MTUS1: variants seen among roughly 807,000 people sequenced by gnomAD.
MTUS1 encodes microtubule-associated tumor suppressor 1.
A neutral mutation model predicts 120.8 loss-of-function variants in MTUS1; 109 were observed. The observed-to-expected ratio is 0.90, with a 90% confidence interval of 0.77 to 1.06. The LOEUF (loss-of-function observed/expected upper bound fraction) is 1.06. Among genes scored for constraint, MTUS1 ranks in the 50% least tolerant of loss-of-function variants. The pLI is 0.00. For synonymous variants in MTUS1, 737 were observed against 550.5 expected (o/e 1.34, Z -4.74); for missense variants, 2,210 against 1,486.3 (o/e 1.49, Z -8.01).
At chr8:17,768,277 C>G (rs930209671) in intron 1 of MTUS1, among the ~76,000 whole-genome samples, 1 of 152,060 alleles carries the variant, frequency 6.6e-6, no homozygotes, top group East Asian at 1.9e-4. Flanking sequence ...TATGTGAGCT[C>G]AGGATATTAA....
intron 3 of MTUS1, among the ~76,000 whole-genome samples, chr8:17,733,109 G>C (rs2046699167): frequency 6.6e-6 from 1 of 152,286 alleles, no homozygotes; most frequent in Non-Finnish European, 1.5e-5. Context: ...CCAGCACTTT[G>C]GAAGGCCGAG....
At chr8:17,758,941 G>C (rs2048829353) in intron 1 of MTUS1, among the ~76,000 whole-genome samples, 1 of 152,192 alleles carries the variant, frequency 6.6e-6, no homozygotes, top group African/African-American at 2.4e-5. Context: ...GAGTGCAGTG[G>C]CGCGATCTCG....
At chr8:17,726,687 T>C (rs990891282) in intron 3 of MTUS1, among the ~76,000 whole-genome samples, 2 of 152,184 alleles carry the variant, frequency 1.3e-5, no homozygotes, top group African/African-American at 2.4e-5. Context: ...AGATAGCAAA[T>C]ACACACTTTA....
chr8:17,672,246 T>C (rs1812182352), intron 8 of MTUS1, among the ~76,000 whole-genome samples: 1 of 152,178 alleles, frequency 6.6e-6, no homozygotes, highest in Non-Finnish European at 1.5e-5. Flanking sequence ...GCTGCATACA[T>C]CCTAATACCT....
At chr8:17,656,870 G>C (rs1043041214) in intron 8 of MTUS1, among the ~76,000 whole-genome samples, 6 of 151,336 alleles carry the variant, frequency 4.0e-5, no homozygotes, top group Non-Finnish European at 8.9e-5. Context: ...AGGAGATCGA[G>C]ACCACGGTGA....
At chr8:17,771,778 G>A (rs562384608) in intron 1 of MTUS1, among the ~76,000 whole-genome samples, 65 of 152,334 alleles carry the variant, frequency 4.3e-4, no homozygotes, top group African/African-American at 1.5e-3. Flanking sequence ...AAAAGAGATC[G>A]ACTAACATGG....
intron 3 of MTUS1, among the ~76,000 whole-genome samples, chr8:17,740,156 C>G (rs778853008): frequency 6.6e-6 from 1 of 151,488 alleles, no homozygotes; most frequent in Non-Finnish European, 1.5e-5. Context: ...TGCAGTGATC[C>G]GAGATTGCAC....
intron 8 of MTUS1, among the ~76,000 whole-genome samples, chr8:17,663,440 T>A (rs978228105): frequency 2.0e-5 from 3 of 152,246 alleles, no homozygotes; most frequent in African/African-American, 7.2e-5. Flanking sequence ...TGGTTCATTA[T>A]GAGACGACCA....
intron 6 of MTUS1, among the ~76,000 whole-genome samples, chr8:17,690,287 T>G (rs1192004912): frequency 1.3e-5 from 2 of 152,048 alleles, no homozygotes; most frequent in African/African-American, 4.8e-5. Flanking sequence ...GAAAAAATGC[T>G]CAACATCACT....
intron 8 of MTUS1, among the ~76,000 whole-genome samples, chr8:17,674,238 G>T (rs1248953401): frequency 2.6e-5 from 4 of 152,042 alleles, no homozygotes; most frequent in Non-Finnish European, 5.9e-5. Flanking sequence ...TGGCCAACAT[G>T]GCGAAACCCC....
At chr8:17,713,349 A>T (rs1363808109) in intron 5 of MTUS1, 97 bp from the exon 6 acceptor site, 1 of 797,952 alleles carries the variant, frequency 1.3e-6, no homozygotes, top group Non-Finnish European at 2.1e-6. Context: ...AAAAACAATC[A>T]ATCGCTACAT....
chr8:17,729,685 A>G (rs952817278), intron 3 of MTUS1, among the ~76,000 whole-genome samples: 2 of 152,208 alleles, frequency 1.3e-5, no homozygotes, highest in Non-Finnish European at 2.9e-5. Flanking sequence ...CTGAACCTAC[A>G]TGTGATTGCT....
At chr8:17,767,274 G>C (rs925587530) in intron 1 of MTUS1, among the ~76,000 whole-genome samples, 1 of 150,124 alleles carries the variant, frequency 6.7e-6, no homozygotes, top group Non-Finnish European at 1.5e-5. Context: ...TTTATATTAT[G>C]TGTCATTTCA....
At chr8:17,772,288 A>C (rs1264388677) in intron 1 of MTUS1, among the ~76,000 whole-genome samples, 1 of 152,208 alleles carries the variant, frequency 6.6e-6, no homozygotes, top group Admixed American at 6.5e-5. Context: ...GAAACATTTA[A>C]AGATGTCCTA....
At chr8:17,672,081 G>A (rs1474247499) in intron 8 of MTUS1, among the ~76,000 whole-genome samples, 3 of 152,132 alleles carry the variant, frequency 2.0e-5, no homozygotes, top group African/African-American at 7.2e-5. Flanking sequence ...ACTGGATCAG[G>A]AGAATACTCT....
At position 17,755,625 on chromosome 8, in the gene MTUS1, G is replaced by C. The variant is rs1032472871; in HGVS notation, c.183C>G (p.Asp61Glu). 6.2e-7 allele frequency: 1 copy of C among 1,614,168 alleles called. No individual in the cohort carries two copies. The highest frequency in any genetic ancestry group is 8.5e-7 in the Non-Finnish European group (1 of 1,180,024). Residue 61 changes from aspartate (D) to glutamate (E), a missense_variant, in exon 2 of 15, where the codon GAC (aspartate) becomes GAG (glutamate). Physicochemically the swap from Asp to Glu is conservative, Grantham distance 45. Coordinates refer to ENST00000693296, the MANE Select transcript of MTUS1 (RefSeq NM_001363059.2). Reference protein sequence around the residue: ...PDDMVVDYETDPAVVTGENIS... With the variant: ...PDDMVVDYETEPAVVTGENIS... Reference sequence around the variant, plus strand: ...TATTTTCACCAGTAACTACAGCAGGGTCAGTTTCATAATCAACCACCATGT... The same window carrying C: ...TATTTTCACCAGTAACTACAGCAGGCTCAGTTTCATAATCAACCACCATGT...
At chr8:17,700,256 G>T (rs1024330773) in intron 6 of MTUS1, among the ~76,000 whole-genome samples, 1 of 151,874 alleles carries the variant, frequency 6.6e-6, no homozygotes, top group Non-Finnish European at 1.5e-5. Flanking sequence ...ATCACCTGAG[G>T]TCAGAAGTTC....
At chr8:17,749,627 C>T (rs568576601) in intron 2 of MTUS1, among the ~76,000 whole-genome samples, 54 of 147,628 alleles carry the variant, frequency 3.7e-4, no homozygotes, top group African/African-American at 1.3e-3. Flanking sequence ...CACACCACTG[C>T]ACCCCCAGCC....
chr8:17,716,870 A>G (rs1392710380), intron 4 of MTUS1, among the ~76,000 whole-genome samples: 1 of 152,172 alleles, frequency 6.6e-6, no homozygotes, highest in Non-Finnish European at 1.5e-5. Flanking sequence ...TTTCCAAATA[A>G]TGATCAATAT....
Sources: allele counts gnomAD v4.1 joint callset (sites outside exome capture counted in the v4.1 genomes callset), GRCh38; gene constraint gnomAD v4.1.1; transcripts MANE v1.5; gene names NCBI Gene and HGNC (gene_info 2026-07-23, HGNC 2026-07-21).